GPC5: variants seen among roughly 807,000 people sequenced by gnomAD.
The protein encoded by GPC5 is glypican 5, also known as glypican-5.
In GPC5, 47 loss-of-function variants were observed where a neutral mutation model predicts 53.9. The ratio of observed to expected loss-of-function variants is 0.87; its 90% CI spans 0.69 to 1.11. The LOEUF (loss-of-function observed/expected upper bound fraction) is 1.11. Among genes scored for constraint, GPC5 ranks in the 50% most tolerant of loss-of-function variants. The pLI is 0.00. For synonymous variants in GPC5, 286 were observed against 263.3 expected (o/e 1.09, Z -0.84); for missense variants, 748 against 713.1 (o/e 1.05, Z -0.56).
At chr13:92,375,959 G>GT (rs140978612) in intron 7 of GPC5, among the ~76,000 whole-genome samples, 3,984 of 152,212 alleles carry the variant, frequency 0.026, 173 homozygotes, top group African/African-American at 0.09. Context: ...CCTATTATAG[G>GT]TTTTTTGCGG....
At chr13:92,335,072 T>TG (rs968251284) in intron 7 of GPC5, among the ~76,000 whole-genome samples, 31 of 151,956 alleles carry the variant, frequency 2.0e-4, no homozygotes, top group Non-Finnish European at 2.2e-4. Flanking sequence ...CTCTGTGGGT[T>TG]GGGGGGGACT....
intron 7 of GPC5, among the ~76,000 whole-genome samples, chr13:92,264,876 CTCTGTGTGTGTGTG>C (rs781748829): frequency 0.049 from 5,829 of 118,972 alleles, 125 homozygotes; most frequent in Non-Finnish European, 0.063. Flanking sequence ...CTCTCTCTCT[CTCTGTGTGTGTGTG>C]TGTGTGTGTG....
intron 6 of GPC5, among the ~76,000 whole-genome samples, chr13:92,140,080 G>A (rs569432717): frequency 1.3e-5 from 2 of 151,996 alleles, no homozygotes; most frequent in African/African-American, 2.4e-5. Flanking sequence ...AAATATGTGC[G>A]GGATGGAAAA....
At chr13:92,758,391 G>A (rs1184032199) in intron 7 of GPC5, among the ~76,000 whole-genome samples, 1 of 151,140 alleles carries the variant, frequency 6.6e-6, no homozygotes, top group African/African-American at 2.4e-5. Context: ...CGAGTTAGTG[G>A]GTGCAGCGCA....
chr13:91,848,766 C>T (rs1348228780), intron 5 of GPC5, among the ~76,000 whole-genome samples: 1 of 152,198 alleles, frequency 6.6e-6, no homozygotes, highest in East Asian at 1.9e-4. Context: ...GAGCCAGAGA[C>T]ATTCTGATGA....
intron 6 of GPC5, chr13:91,995,778 A>G (rs1284484084): frequency 2.0e-5 from 3 of 152,214 alleles, no homozygotes; most frequent in African/African-American, 4.8e-5. Flanking sequence ...GTAAGATCAT[A>G]TACATCTGGG....
intron 2 of GPC5, among the ~76,000 whole-genome samples, chr13:91,569,891 C>T (rs2031705331): frequency 1.3e-5 from 2 of 152,074 alleles, no homozygotes; most frequent in Non-Finnish European, 2.9e-5. Context: ...TTGAACTTCC[C>T]CGCCTTCAGA....
intron 2 of GPC5, among the ~76,000 whole-genome samples, chr13:91,637,252 T>C (rs2034307514): frequency 6.6e-6 from 1 of 152,134 alleles, no homozygotes; most frequent in African/African-American, 2.4e-5. Context: ...TAAAATTGGA[T>C]TTAGGAGTTA....
chr13:91,972,649 T>G (rs1669636035), intron 6 of GPC5, among the ~76,000 whole-genome samples: 1 of 152,202 alleles, frequency 6.6e-6, no homozygotes, highest in South Asian at 2.1e-4. Flanking sequence ...GGAGCTCTTT[T>G]AGGGCAGGCC....
At chr13:91,691,371 A>G (rs1389842018) in intron 2 of GPC5, among the ~76,000 whole-genome samples, 1 of 152,182 alleles carries the variant, frequency 6.6e-6, no homozygotes, top group African/African-American at 2.4e-5. Context: ...TTTTTTCCCC[A>G]TGAAGCCCAG....
At chr13:91,897,431 C>G (rs565607509) in intron 5 of GPC5, among the ~76,000 whole-genome samples, 3 of 149,888 alleles carry the variant, frequency 2.0e-5, no homozygotes, top group Non-Finnish European at 4.4e-5. Context: ...TAATAATATG[C>G]CTGGCACTTA....
chr13:91,446,826 T>C (rs2139087977), intron 1 of GPC5, among the ~76,000 whole-genome samples: 1 of 152,354 alleles, frequency 6.6e-6, no homozygotes, highest in African/African-American at 2.4e-5. Flanking sequence ...GCTTATCTTA[T>C]AGGCGATACT....
intron 2 of GPC5, among the ~76,000 whole-genome samples, chr13:91,624,156 C>G (rs2033937492): frequency 6.6e-6 from 1 of 152,080 alleles, no homozygotes; most frequent in African/African-American, 2.4e-5. Flanking sequence ...AAAAGGAGTT[C>G]TACCAATTGC....
intron 7 of GPC5, among the ~76,000 whole-genome samples, chr13:92,738,317 G>T (rs1888994790): frequency 6.6e-6 from 1 of 151,866 alleles, no homozygotes; most frequent in Non-Finnish European, 1.5e-5. Flanking sequence ...TCTTTTTTAT[G>T]CAATGGTAAA....
intron 2 of GPC5, among the ~76,000 whole-genome samples, chr13:91,649,928 A>T (rs1482660735): frequency 6.6e-6 from 1 of 152,164 alleles, no homozygotes; most frequent in Non-Finnish European, 1.5e-5. Context: ...TTTTTTAAAA[A>T]TTTATTTTGA....
At chr13:92,554,947 T>TA (rs1882442915) in intron 7 of GPC5, among the ~76,000 whole-genome samples, 4 of 150,736 alleles carry the variant, frequency 2.7e-5, no homozygotes, top group South Asian at 4.2e-4. Flanking sequence ...GTTTGTTTTT[T>TA]TTTTATTTTT....
intron 6 of GPC5, among the ~76,000 whole-genome samples, chr13:92,122,680 G>T (rs576984208): frequency 6.8e-6 from 1 of 147,556 alleles, no homozygotes; most frequent in South Asian, 2.2e-4. Flanking sequence ...GTGTAATAAT[G>T]GTTATGGTTT....
At chr13:92,421,999 C>A (rs1433856807) in intron 7 of GPC5, among the ~76,000 whole-genome samples, 1 of 151,352 alleles carries the variant, frequency 6.6e-6, no homozygotes. Context: ...ACTCTACTAA[C>A]CCGGAACTCC....
intron 7 of GPC5, among the ~76,000 whole-genome samples, chr13:92,855,053 T>C (rs1037401048): frequency 6.6e-6 from 1 of 152,016 alleles, no homozygotes; most frequent in Non-Finnish European, 1.5e-5. Flanking sequence ...AGCATATAAA[T>C]GCAAATGACT....
Sources: gnomAD v4.1 joint callset for allele counts (sites outside exome capture counted in the v4.1 genomes callset) on GRCh38, gnomAD v4.1.1 for gene constraint, MANE v1.5 for transcripts, NCBI Gene and HGNC (gene_info 2026-07-23, HGNC 2026-07-21) for gene names.